The following ZDHHC13 variants were observed in gnomAD, a reference collection of about 807,000 sequenced individuals.
The protein encoded by ZDHHC13 is zDHHC palmitoyltransferase 13.
Under a neutral mutation model 86.0 loss-of-function variants are expected in ZDHHC13, and 85 were observed. The observed-to-expected ratio is 0.99, with a 90% CI of 0.83 to 1.18. The LOEUF (loss-of-function observed/expected upper bound fraction) is 1.18, where lower values mean the gene tolerates loss of function less well. Among genes scored for constraint, ZDHHC13 ranks in the 50% most tolerant of loss-of-function variants. The probability of loss-of-function intolerance (pLI) is 0.00; values close to 1 mark genes in which losing one functional copy is unlikely to be tolerated. For missense variants in ZDHHC13, 711 were observed against 730.2 expected, an observed-to-expected ratio of 0.97 and a Z score of 0.30; for synonymous variants, 263 against 246.4, an observed-to-expected ratio of 1.07 and a Z score of -0.63.
At chr11:19,142,942 T>A in intron 1 of ZDHHC13, 36 bp from the exon 2 acceptor site, 1 of 1,553,714 alleles carries the variant, frequency 6.4e-7, no homozygotes, top group Non-Finnish European at 8.7e-7. Flanking sequence ...TGACATTAAT[T>A]CTCTCATGCT....
rs753068116 is a variant in ZDHHC13, at chr11:19,146,194, G to C, written c.187G>C (p.Glu63Gln). The change falls in exon 3 of 17, where the codon GAA (glutamate) becomes CAA (glutamine). Residue 63 changes from glutamate (E) to glutamine (Q), a missense_variant. By Grantham distance (29) the Glu-to-Gln change is conservative. Transcript: ENST00000446113. ...IVKATQYGIF[E>Q]RCKELVEAGY... ...TTCTTCTTTGAGATACGGAATTTTT[G>C]AACGATGTAAAGAGTTGGTAGAAGC... The C allele has an allele frequency of 6.3e-7, 1 of 1,584,996 alleles. No individual in the cohort carries two copies. The highest frequency in any genetic ancestry group is 1.9e-5 in the Admixed American group (1 of 53,288).
chr11:19,120,966 GTTAGTGAACATCTTGAAA>G (rs1363899055), intron 1 of ZDHHC13, among the ~76,000 whole-genome samples: 8 of 152,184 alleles, frequency 5.3e-5, no homozygotes, highest in Admixed American at 1.3e-4. Context: ...GCTTCAGGGC[GTTAGTGAACATCTTGAAA>G]TTAGTGAACA....
chr11:19,146,686 C>T (rs1295542665), intron 3 of ZDHHC13, among the ~76,000 whole-genome samples: 1 of 151,938 alleles, frequency 6.6e-6, no homozygotes, highest in Non-Finnish European at 1.5e-5. Context: ...GGAGATTTAA[C>T]CTTTTAAAAA....
At chr11:19,156,148 G>A (rs1435651610) in intron 9 of ZDHHC13, among the ~76,000 whole-genome samples, 1 of 152,120 alleles carries the variant, frequency 6.6e-6, no homozygotes, top group Non-Finnish European at 1.5e-5. Context: ...CTTGACAACT[G>A]GTGGAAAATA....
intron 1 of ZDHHC13, among the ~76,000 whole-genome samples, chr11:19,140,940 T>A (rs1452983650): frequency 7.3e-6 from 1 of 136,220 alleles, no homozygotes; most frequent in Non-Finnish European, 1.6e-5. Flanking sequence ...GGGGGAGGGA[T>A]AGCATTGGGA....
intron 1 of ZDHHC13, among the ~76,000 whole-genome samples, chr11:19,124,313 T>A (rs1848823801): frequency 6.6e-6 from 1 of 152,124 alleles, no homozygotes; most frequent in African/African-American, 2.4e-5. Context: ...GATGTATGTA[T>A]GTATATAGCA....
rs77637524 is a variant in ZDHHC13, at chr11:19,156,401, G to A, written c.1007+472G>A. On this transcript the variant is annotated intron_variant, in intron 9 of 16. Transcript: ENST00000446113. Reference sequence around the variant, plus strand: ...ATGGTATGGTTTTATTTTTAGGACAGTATTTATACATGATTATATATAGTT... The same window carrying A: ...ATGGTATGGTTTTATTTTTAGGACAATATTTATACATGATTATATATAGTT... Among the ~76,000 whole-genome samples, 1,043 of 152,186 alleles carry A rather than the reference G, an allele frequency of 6.9e-3. 9 individuals are homozygous for A. The highest frequency in any genetic ancestry group is 0.024 in the African/African-American group (984 of 41,514).
intron 1 of ZDHHC13, among the ~76,000 whole-genome samples, chr11:19,127,770 C>G (rs1848909077): frequency 6.6e-6 from 1 of 152,054 alleles, no homozygotes; most frequent in Non-Finnish European, 1.5e-5. Flanking sequence ...AGGCGTGCAG[C>G]CTTGTTTCTG....
At chr11:19,158,709 A>G (rs373690384) in intron 9 of ZDHHC13, among the ~76,000 whole-genome samples, 8 of 152,188 alleles carry the variant, frequency 5.3e-5, no homozygotes, top group Non-Finnish European at 8.8e-5. Flanking sequence ...GAACTAGAAC[A>G]TACACTTCTT....
intron 13 of ZDHHC13, among the ~76,000 whole-genome samples, chr11:19,165,721 G>A (rs921023123): frequency 4.6e-5 from 7 of 152,166 alleles, no homozygotes; most frequent in East Asian, 3.8e-4. Flanking sequence ...CTGCTCCTCA[G>A]TTTCGTTTTC....
chr11:19,164,212 TG>T, intron 11 of ZDHHC13, 88 bp from the exon 12 acceptor site: 3 of 1,344,670 alleles, frequency 2.2e-6, no homozygotes, highest in Non-Finnish European at 3.1e-6. Context: ...TACTTCAGTT[TG>T]GAGCGAGAAC....
intron 2 of ZDHHC13, 142 bp downstream of exon 2, chr11:19,143,265 C>A: frequency 1.1e-6 from 1 of 885,702 alleles, no homozygotes; most frequent in Non-Finnish European, 1.7e-6. Flanking sequence ...TTTGTCATAC[C>A]AACACCACAG....
At chr11:19,126,203 G>T (rs1298128534) in intron 1 of ZDHHC13, among the ~76,000 whole-genome samples, 1 of 152,040 alleles carries the variant, frequency 6.6e-6, no homozygotes, top group East Asian at 1.9e-4. Flanking sequence ...GGGGTTTGTT[G>T]TATAGATTAT....
chr11:19,118,913 C>T (rs1848702359), intron 1 of ZDHHC13: 1 of 152,190 alleles, frequency 6.6e-6, no homozygotes, highest in Admixed American at 6.5e-5. Context: ...AGAGCCAAGA[C>T]TTCAGTCGTT....
chr11:19,165,491 G>C (rs1850038624), intron 13 of ZDHHC13, among the ~76,000 whole-genome samples: 2 of 152,174 alleles, frequency 1.3e-5, no homozygotes, highest in African/African-American at 2.4e-5. Flanking sequence ...CCTTCTGCCG[G>C]GTTTTGCTGC....
chr11:19,164,353 C>G lies in ZDHHC13; in HGVS notation c.1286C>G (p.Thr429Arg), dbSNP rs1176275002. ...TCTCTGGACTTCAGAACATTTTGTA[C>G]ATCATGTCTTGTGAGTTTTTTCATA... ...TGSLDFRTFCTSCLIRKPLRS... is the reference protein window; with the variant it reads ...TGSLDFRTFCRSCLIRKPLRS... Residue 429 changes from threonine to arginine, a missense_variant, in exon 12 of 17, where the codon ACA becomes AGA. By Grantham distance (71) the Thr-to-Arg change is moderately conservative (BLOSUM62 -1). Transcript: ENST00000446113. 1 of 1,612,994 alleles carries G rather than the reference C, an allele frequency of 6.2e-7. No individual in the cohort carries two copies. Among genetic ancestry groups the G allele is most frequent in the East Asian group, 2.2e-5 (1 of 44,840 alleles).
At chr11:19,139,768 A>G (rs1322064732) in intron 1 of ZDHHC13, among the ~76,000 whole-genome samples, 1 of 134,102 alleles carries the variant, frequency 7.5e-6, no homozygotes, top group African/African-American at 2.8e-5. Flanking sequence ...CCGCATATCT[A>G]CAACTATCTG....
intron 9 of ZDHHC13, among the ~76,000 whole-genome samples, chr11:19,158,356 C>A (rs971644867): frequency 6.6e-6 from 1 of 152,062 alleles, no homozygotes; most frequent in Non-Finnish European, 1.5e-5. Context: ...AACCTCAAAT[C>A]GCCTGTGACC....
At position 19,152,685 on chromosome 11, in the gene ZDHHC13, G is replaced by T; in HGVS notation, c.873+1G>T. The T allele has an allele frequency of 6.2e-7, 1 of 1,612,958 alleles. No homozygotes were observed. The highest frequency in any genetic ancestry group is 8.5e-7 in the Non-Finnish European group (1 of 1,179,184). On this transcript the variant is annotated splice_donor_variant, in intron 8 of 16. Coordinates refer to ENST00000446113, the MANE Select transcript of ZDHHC13 (RefSeq NM_019028.3). LOFTEE classifies it high-confidence loss of function. ...TTGGAGGTGGCTGCAGAAATGCGAGGTATTTTCATATGGGGTCTTTTCTAT... is the reference window on the plus strand; with the variant it reads ...TTGGAGGTGGCTGCAGAAATGCGAGTTATTTTCATATGGGGTCTTTTCTAT...
Sources: gnomAD v4.1 joint callset for allele counts (sites outside exome capture counted in the v4.1 genomes callset) on GRCh38, gnomAD v4.1.1 for gene constraint, MANE v1.5 for transcripts, NCBI Gene and HGNC (gene_info 2026-07-23, HGNC 2026-07-21) for gene names.